ELP4: variants seen among roughly 807,000 people sequenced by gnomAD.
The protein encoded by ELP4 is elongator complex protein 4.
Under a neutral mutation model 48.9 loss-of-function variants are expected in ELP4, and 51 were observed. The ratio of observed to expected loss-of-function variants is 1.04; its 90% CI spans 0.83 to 1.32. The LOEUF is 1.32. ELP4 is among the 40% of genes most tolerant of loss of function. The pLI is 0.00. For missense variants in ELP4, 519 were observed against 514.6 expected, an observed-to-expected ratio of 1.01 and a Z score of -0.08; for synonymous variants, 210 against 189.2, an observed-to-expected ratio of 1.11 and a Z score of -0.90.
intron 3 of ELP4, among the ~76,000 whole-genome samples, chr11:31,585,337 C>G (rs1957454947): frequency 6.6e-6 from 1 of 151,998 alleles, no homozygotes; most frequent in African/African-American, 2.4e-5. Context: ...TGTACCACCT[C>G]CTGAATGGGA....
At chr11:31,579,879 A>G (rs930484839) in intron 3 of ELP4, among the ~76,000 whole-genome samples, 2 of 152,114 alleles carry the variant, frequency 1.3e-5, no homozygotes, top group Non-Finnish European at 2.9e-5. Flanking sequence ...GCACATGTGT[A>G]CATATGTAAC....
chr11:31,571,546 C>A (rs1270142930), intron 3 of ELP4, among the ~76,000 whole-genome samples: 1 of 152,198 alleles, frequency 6.6e-6, no homozygotes, highest in Non-Finnish European at 1.5e-5. Context: ...ATTCTTATGG[C>A]AGCTAGAATA....
intron 2 of ELP4, among the ~76,000 whole-genome samples, chr11:31,522,062 T>C (rs1488457158): frequency 6.6e-6 from 1 of 152,162 alleles, no homozygotes; most frequent in Non-Finnish European, 1.5e-5. Flanking sequence ...AAGTAAAATA[T>C]GTCTTATGAG....
intron 3 of ELP4, among the ~76,000 whole-genome samples, chr11:31,571,779 T>A (rs1957197021): frequency 6.6e-6 from 1 of 152,214 alleles, no homozygotes; most frequent in Admixed American, 6.5e-5. Flanking sequence ...AGGTGCACTG[T>A]CAGTGAGCAG....
At chr11:31,639,880 T>A (rs1037543842) in intron 7 of ELP4, among the ~76,000 whole-genome samples, 1 of 152,154 alleles carries the variant, frequency 6.6e-6, no homozygotes, top group East Asian at 1.9e-4. Context: ...CATACTGTTA[T>A]TCATTCTGTA....
In ELP4 at chr11:31,787,775, G is replaced by T. The variant is rs3026396; in HGVS notation, c.*4251G>T. On this transcript the variant is annotated 3_prime_UTR_variant, in exon 10 of 10. Transcript: ENST00000640961. ...TAAAATTATTAGTATATTTCATGCC[G>T]GAGCAATGAATCTCAATTATCTGTT... The T allele has an allele frequency of 4.4e-6, 1 of 227,204 alleles. No homozygotes were observed. Among genetic ancestry groups the T allele is most frequent in the Non-Finnish European group, 8.8e-6 (1 of 114,198 alleles). The allele number at this position is 227,204 out of a possible 1,614,324, so 14.1% of individuals were successfully genotyped here.
intron 9 of ELP4, among the ~76,000 whole-genome samples, chr11:31,672,013 G>T (rs1945819108): frequency 6.6e-6 from 1 of 151,946 alleles, no homozygotes; most frequent in African/African-American, 2.4e-5. Context: ...GCTGCTTAGT[G>T]TTCATTTTTG....
chr11:31,681,952 G>A (rs899369998), intron 9 of ELP4: 5 of 582,222 alleles, frequency 8.6e-6, no homozygotes, highest in South Asian at 5.2e-5. Flanking sequence ...TGTTGGCCAG[G>A]CTGGTCTCGA....
chr11:31,737,681 C>T (rs906123558), intron 9 of ELP4, among the ~76,000 whole-genome samples: 2 of 151,908 alleles, frequency 1.3e-5, no homozygotes, highest in East Asian at 1.9e-4. Flanking sequence ...GGACTTGAAT[C>T]GACATTTCTT....
At chr11:31,511,910 T>G (rs1405033498) in intron 1 of ELP4, 1 of 152,200 alleles carries the variant, frequency 6.6e-6, no homozygotes, top group Non-Finnish European at 1.5e-5. Context: ...TACTGTTCAT[T>G]AAGATGGTAG....
chr11:31,749,897 C>T (rs1371609936), intron 9 of ELP4, among the ~76,000 whole-genome samples: 1 of 151,450 alleles, frequency 6.6e-6, no homozygotes, highest in Non-Finnish European at 1.5e-5. Flanking sequence ...GCTCTGTCGC[C>T]CAGGCTGGAG....
At chr11:31,779,288 GTATT>G (rs1190954462) in intron 9 of ELP4, among the ~76,000 whole-genome samples, 2 of 152,182 alleles carry the variant, frequency 1.3e-5, no homozygotes, top group African/African-American at 2.4e-5. Flanking sequence ...ATTTTAATGA[GTATT>G]TACCTGCAAT....
intron 9 of ELP4, among the ~76,000 whole-genome samples, chr11:31,741,996 G>GA (rs1368894378): frequency 1.3e-5 from 2 of 151,768 alleles, no homozygotes; most frequent in South Asian, 2.1e-4. Context: ...TAAAAGCTTT[G>GA]AAAAAAAATT....
chr11:31,627,870 T>C (rs1944779885), intron 6 of ELP4, among the ~76,000 whole-genome samples: 1 of 152,120 alleles, frequency 6.6e-6, no homozygotes, highest in Non-Finnish European at 1.5e-5. Context: ...GAAGTATTTC[T>C]AAAGCACCAT....
chr11:31,723,729 G>A (rs1947016822), intron 9 of ELP4, among the ~76,000 whole-genome samples: 1 of 152,164 alleles, frequency 6.6e-6, no homozygotes, highest in Non-Finnish European at 1.5e-5. Context: ...TTCAAACCCT[G>A]ACAGTCCGCC....
intron 3 of ELP4, among the ~76,000 whole-genome samples, chr11:31,557,625 G>A (rs1956951465): frequency 6.6e-6 from 1 of 151,956 alleles, no homozygotes; most frequent in Non-Finnish European, 1.5e-5. Flanking sequence ...TGCAACTATT[G>A]TTTTCCTAGT....
intron 9 of ELP4, among the ~76,000 whole-genome samples, chr11:31,750,781 T>C (rs761056566): frequency 6.6e-6 from 1 of 152,186 alleles, no homozygotes; most frequent in African/African-American, 2.4e-5. Context: ...ATGTCTTCTG[T>C]GGTGAAATTC....
At chr11:31,758,257 A>G (rs1190702383) in intron 9 of ELP4, among the ~76,000 whole-genome samples, 2 of 152,182 alleles carry the variant, frequency 1.3e-5, no homozygotes, top group Non-Finnish European at 2.9e-5. Flanking sequence ...ATTTCCTACC[A>G]CTAGGTAAAT....
At chr11:31,559,428 G>T (rs539236720) in intron 3 of ELP4, among the ~76,000 whole-genome samples, 28 of 152,244 alleles carry the variant, frequency 1.8e-4, no homozygotes, top group African/African-American at 6.7e-4. Flanking sequence ...AAGTCTATTA[G>T]ATTTCAAAAA....
Sources: allele counts gnomAD v4.1 joint callset (sites outside exome capture counted in the v4.1 genomes callset), GRCh38; gene constraint gnomAD v4.1.1; transcripts MANE v1.5; gene names NCBI Gene and HGNC (gene_info 2026-07-23, HGNC 2026-07-21).